SNX29: variants seen among roughly 807,000 people sequenced by gnomAD.
SNX29 encodes the protein sorting nexin-29.
In SNX29, 78 loss-of-function variants were observed where a neutral mutation model predicts 102.1. The ratio of observed to expected loss-of-function variants is 0.76; its 90% confidence interval spans 0.64 to 0.92. The LOEUF is 0.92. SNX29 is among the 40% of genes least tolerant of loss of function. The pLI, the probability that SNX29 is intolerant of heterozygous loss-of-function variation, is 0.00. For synonymous variants in SNX29, 580 were observed against 414.5 expected, an observed-to-expected ratio of 1.40 and a Z score of -4.85; for missense variants, 1,280 against 1,061.7, an observed-to-expected ratio of 1.21 and a Z score of -2.86.
intron 13 of SNX29, among the ~76,000 whole-genome samples, chr16:12,199,074 A>G (rs1228319322): frequency 2.6e-5 from 4 of 152,168 alleles, no homozygotes; most frequent in Admixed American, 2.6e-4. Flanking sequence ...TTATGCCACA[A>G]TCTCCTTATC....
At chr16:12,208,142 C>G (rs1049953941) in intron 14 of SNX29, among the ~76,000 whole-genome samples, 2 of 152,172 alleles carry the variant, frequency 1.3e-5, no homozygotes, top group Non-Finnish European at 2.9e-5. Context: ...CCTTTCTGCC[C>G]GAAGTGACCA....
intron 9 of SNX29, among the ~76,000 whole-genome samples, chr16:12,068,437 G>A (rs2051137048): frequency 6.9e-6 from 1 of 145,110 alleles, no homozygotes; most frequent in Non-Finnish European, 1.5e-5. Flanking sequence ...GCAGTGAGCC[G>A]TGATCACACA....
chr16:12,108,693 T>C (rs190368347), intron 11 of SNX29, among the ~76,000 whole-genome samples: 1 of 152,244 alleles, frequency 6.6e-6, no homozygotes, highest in East Asian at 1.9e-4. Context: ...GTCCATTACG[T>C]AGAGTTATGC....
chr16:12,379,069 G>T (rs1019303407), intron 16 of SNX29, among the ~76,000 whole-genome samples: 7 of 152,172 alleles, frequency 4.6e-5, no homozygotes, highest in Admixed American at 2.0e-4. Flanking sequence ...GAGAGTGGAG[G>T]TGGGGGCAGC....
chr16:12,046,312 A>T, intron 5 of SNX29, 72 bp from the exon 6 acceptor site: 1 of 1,514,826 alleles, frequency 6.6e-7, no homozygotes, highest in South Asian at 1.1e-5. Flanking sequence ...GAGCCGTCTA[A>T]TGGAATTTCC....
chr16:11,996,114 C>G (rs1163232249), intron 1 of SNX29, among the ~76,000 whole-genome samples: 1 of 151,692 alleles, frequency 6.6e-6, no homozygotes, highest in Non-Finnish European at 1.5e-5. Flanking sequence ...ACCAGAACCT[C>G]CCTTTTGGGC....
At chr16:12,034,397 C>G (rs565377560) in intron 4 of SNX29, among the ~76,000 whole-genome samples, 3 of 152,258 alleles carry the variant, frequency 2.0e-5, no homozygotes, top group Non-Finnish European at 4.4e-5. Flanking sequence ...GGAAGGATGT[C>G]TGCTAAAGGT....
chr16:12,460,644 A>G (rs1597457156), intron 18 of SNX29, among the ~76,000 whole-genome samples: 1 of 149,644 alleles, frequency 6.7e-6, no homozygotes, highest in African/African-American at 2.5e-5. Context: ...GCTGCCTCAC[A>G]AATGTGTGAA....
chr16:12,565,974 A>C (rs2078987338), intron 20 of SNX29, among the ~76,000 whole-genome samples: 1 of 152,188 alleles, frequency 6.6e-6, no homozygotes, highest in African/African-American at 2.4e-5. Context: ...GTGGCTTTCC[A>C]AACCTGAGAC....
chr16:12,068,631 A>G (rs149283027), intron 9 of SNX29, among the ~76,000 whole-genome samples: 2,037 of 151,958 alleles, frequency 0.013, 48 homozygotes, highest in African/African-American at 0.047. Flanking sequence ...TGCAACCTCT[A>G]CCTCCAGGGT....
At chr16:12,242,718 A>G (rs946046746) in intron 14 of SNX29, among the ~76,000 whole-genome samples, 5 of 151,140 alleles carry the variant, frequency 3.3e-5, no homozygotes, top group African/African-American at 1.2e-4. Context: ...CAATGACGCA[A>G]TCACAGCTCA....
intron 18 of SNX29, among the ~76,000 whole-genome samples, chr16:12,440,070 A>C (rs2085731385): frequency 6.6e-6 from 1 of 151,942 alleles, no homozygotes; most frequent in African/African-American, 2.4e-5. Context: ...AATGTCACCC[A>C]CCCCACCGGA....
chr16:12,112,929 C>T (rs2053555729), intron 11 of SNX29, among the ~76,000 whole-genome samples: 1 of 152,194 alleles, frequency 6.6e-6, no homozygotes, highest in Admixed American at 6.5e-5. Flanking sequence ...GCACTGGATT[C>T]ATTGGAGCAC....
chr16:12,548,140 C>T lies in SNX29; in HGVS notation c.2319-20366C>T, dbSNP rs546806716. 1.6e-4 allele frequency among the ~76,000 whole-genome samples: 24 copies of T among 152,272 alleles called. No homozygotes were observed. In the Middle Eastern group the frequency reaches 0.014, roughly 86 times the overall value. On this transcript the variant is annotated intron_variant, in intron 20 of 20. Transcript: ENST00000566228. ...TTGGGACAAGTAGGAATTTTCTATC[C>T]CTGTTCATTCTTCATCTTGGCCACA...
chr16:12,323,137 T>C (rs74186478), intron 15 of SNX29, among the ~76,000 whole-genome samples: 5 of 140,718 alleles, frequency 3.6e-5, no homozygotes, highest in African/African-American at 1.0e-4. Context: ...CTGGAGTCAC[T>C]GGGGACCACT....
At chr16:12,555,606 T>TAG (rs768909125) in intron 20 of SNX29, among the ~76,000 whole-genome samples, 1 of 151,782 alleles carries the variant, frequency 6.6e-6, no homozygotes, top group African/African-American at 2.4e-5. Flanking sequence ...CAGCTGCCCT[T>TAG]AGTCCAGTGT....
intron 11 of SNX29, among the ~76,000 whole-genome samples, chr16:12,097,967 G>GGA (rs1393573718): frequency 5.9e-5 from 9 of 152,226 alleles, no homozygotes; most frequent in Admixed American, 5.2e-4. Flanking sequence ...CCGCCCTGGA[G>GGA]GAGAGCACCC....
chr16:12,465,553 G>A (rs2087012240), intron 18 of SNX29, among the ~76,000 whole-genome samples: 1 of 152,082 alleles, frequency 6.6e-6, no homozygotes, highest in African/African-American at 2.4e-5. Context: ...GCTTTGTTCT[G>A]TTCTCATGGT....
chr16:12,239,191 T>C (rs2078026008), intron 14 of SNX29, among the ~76,000 whole-genome samples: 1 of 152,176 alleles, frequency 6.6e-6, no homozygotes, highest in African/African-American at 2.4e-5. Flanking sequence ...TGCCAGGCAA[T>C]CTGTCCTGGT....
Sources: allele counts gnomAD v4.1 joint callset (sites outside exome capture counted in the v4.1 genomes callset), GRCh38; gene constraint gnomAD v4.1.1; transcripts MANE v1.5; gene names NCBI Gene and HGNC (gene_info 2026-07-23, HGNC 2026-07-21).